KPNA5: variants seen among roughly 807,000 people sequenced by gnomAD.
The protein encoded by KPNA5 is karyopherin subunit alpha 5, also known as importin subunit alpha-6.
In KPNA5, 46 loss-of-function variants were observed where a neutral mutation model predicts 71.3. The observed-to-expected ratio is 0.65, with a 90% CI of 0.51 to 0.83. KPNA5 has a LOEUF of 0.83. Among genes scored for constraint, KPNA5 ranks in the 40% least tolerant of loss-of-function variants. The probability of loss-of-function intolerance (pLI) is 0.00; values close to 1 mark genes in which losing one functional copy is unlikely to be tolerated. For missense variants in KPNA5, 547 were observed against 628.3 expected (o/e 0.87, Z 1.38); for synonymous variants, 207 against 201.4 (o/e 1.03, Z -0.24).
rs1779756095 is a variant in KPNA5, at chr6:116,738,632, C to T, written c.*6309C>T. Reference sequence around the variant, plus strand: ...TACTGGCAAACCGAATCCAGCAGCACATCAAAAAGCTTATCCACCATGATC... The same window carrying T: ...TACTGGCAAACCGAATCCAGCAGCATATCAAAAAGCTTATCCACCATGATC... On this transcript the variant is annotated 3_prime_UTR_variant, in exon 14 of 14. Transcript: ENST00000368564. 6.6e-6 allele frequency: 1 copy of T among 151,836 alleles called. No individual in the cohort carries two copies. Among genetic ancestry groups the T allele is most frequent in the Non-Finnish European group, 1.5e-5 (1 of 67,916 alleles). 9.4% of individuals were successfully genotyped at this position (151,836 alleles called of 1,614,324 possible).
intron 1 of KPNA5, among the ~76,000 whole-genome samples, chr6:116,685,875 A>G (rs1023996871): frequency 6.6e-6 from 1 of 152,118 alleles, no homozygotes; most frequent in Non-Finnish European, 1.5e-5. Context: ...TGCTTTCCAC[A>G]GTGATTGAAC....
rs1158458700 is a variant in KPNA5 at position 116,740,224 on chromosome 6, C to T, written c.*7901C>T. ...TTCTCAAAAGAAGACATTTATGCAG[C>T]CAAAAAACACATGAAAAAATGCTCA... On this transcript the variant is annotated 3_prime_UTR_variant, in exon 14 of 14. Transcript: ENST00000368564. 1 of 152,066 alleles carries T rather than the reference C, an allele frequency of 6.6e-6. No individual in the cohort carries two copies. Among genetic ancestry groups the T allele is most frequent in the Non-Finnish European group, 1.5e-5 (1 of 68,012 alleles). 9.4% of individuals were successfully genotyped at this position (152,066 alleles called of 1,614,324 possible). A position where few individuals can be genotyped will look rare whatever the true frequency, so the allele number is the denominator to read the frequency against.
intron 4 of KPNA5, among the ~76,000 whole-genome samples, chr6:116,695,394 T>C (rs754437883): frequency 2.0e-5 from 3 of 152,182 alleles, no homozygotes; most frequent in Non-Finnish European, 4.4e-5. Flanking sequence ...TTAATAAGAA[T>C]TCATTTAAAT....
At chr6:116,700,102 A>T (rs1778172621) in intron 5 of KPNA5, among the ~76,000 whole-genome samples, 1 of 152,182 alleles carries the variant, frequency 6.6e-6, no homozygotes, top group Admixed American at 6.5e-5. Flanking sequence ...AGTCTTGAGG[A>T]TGAAGGAGCG....
Position 116,737,721 on chromosome 6 carries a change from A to C in KPNA5, c.*5398A>C, listed in dbSNP as rs1779724461. ...CTATTACTCTAGTTTGGCTTAAAGC[A>C]GAAGTTAGCATACCAATCTATGTTC... On this transcript the variant is annotated 3_prime_UTR_variant, in exon 14 of 14. Coordinates refer to ENST00000368564, the MANE Select transcript of KPNA5 (RefSeq NM_001366306.2). 6.6e-6 allele frequency: 1 copy of C among 151,996 alleles called. No individual in the cohort carries two copies. The highest frequency in any genetic ancestry group is 2.1e-4 in the South Asian group (1 of 4,824). 9.4% of individuals were successfully genotyped at this position (151,996 alleles called of 1,614,324 possible).
At chr6:116,730,530 T>C (rs1334731745) in intron 13 of KPNA5, among the ~76,000 whole-genome samples, 1 of 152,194 alleles carries the variant, frequency 6.6e-6, no homozygotes, top group Non-Finnish European at 1.5e-5. Flanking sequence ...ATTTCTTTTA[T>C]GGAATTAATA....
chr6:116,699,010 AG>A (rs1476819609), intron 5 of KPNA5, among the ~76,000 whole-genome samples: 4 of 152,082 alleles, frequency 2.6e-5, no homozygotes, highest in African/African-American at 9.6e-5. Flanking sequence ...TTTTGGAAAA[AG>A]TATATAAAAT....
At position 116,726,634 on chromosome 6, in the gene KPNA5, ACTT is replaced by A. The variant is rs745822272; in HGVS notation, c.1253+16_1253+18del. 10 of 1,553,420 alleles carry A rather than the reference ACTT, an allele frequency of 6.4e-6. No individual in the cohort carries two copies. The South Asian group carries it at 7.7e-5, about 12-fold the overall frequency. On this transcript the variant is annotated intron_variant, in intron 12 of 13. Transcript: ENST00000368564. ...CCAGAGCAAATAAGGTATGATATAA[ACTT>A]CTTAATTGTTTTTTACATGTAAATG...
rs1779579422 is a variant in KPNA5 at position 116,733,852 on chromosome 6, C to G, written c.*1529C>G. On this transcript the variant is annotated 3_prime_UTR_variant, in exon 14 of 14. Coordinates refer to ENST00000368564, the MANE Select transcript of KPNA5 (RefSeq NM_001366306.2). ...TTCTGCTGGAAATCAGAGGCACGTT[C>G]CAAGAGGAAAATGTATATAGGAGTA... 6.6e-6 allele frequency: 1 copy of G among 151,672 alleles called. No homozygotes were observed. Among genetic ancestry groups the G allele is most frequent in the East Asian group, 1.9e-4 (1 of 5,174 alleles). 9.4% of individuals were successfully genotyped at this position (151,672 alleles called of 1,614,324 possible).
intron 10 of KPNA5, among the ~76,000 whole-genome samples, chr6:116,725,084 A>G (rs1402158900): frequency 6.6e-6 from 1 of 152,150 alleles, no homozygotes. Context: ...CTCTTTAGTA[A>G]TTGACAGTTA....
Position 116,740,516 on chromosome 6 carries a change from A to G in KPNA5, c.*8193A>G, listed in dbSNP as rs1027623695. 6.6e-6 allele frequency: 1 copy of G among 152,228 alleles called. No individual in the cohort carries two copies. Among genetic ancestry groups the G allele is most frequent in the Non-Finnish European group, 1.5e-5 (1 of 68,052 alleles). The allele number at this position is 152,228 out of a possible 1,614,324, so 9.4% of individuals were successfully genotyped here. The stretch of plus-strand genomic sequence containing the variant: ...TGGGTATATACCCAAAGGAATATAA[A>G]TCATGCTGCTATAAAGACACATGCA... On this transcript the variant is annotated 3_prime_UTR_variant, in exon 14 of 14. Transcript: ENST00000368564.
intron 1 of KPNA5, among the ~76,000 whole-genome samples, chr6:116,682,080 C>A (rs1431398068): frequency 6.6e-6 from 1 of 151,976 alleles, no homozygotes; most frequent in Non-Finnish European, 1.5e-5. Flanking sequence ...TCCTGGCTAA[C>A]ACGGTGAAAC....
At chr6:116,713,120 A>G (rs372700072) in intron 7 of KPNA5, among the ~76,000 whole-genome samples, 1 of 152,224 alleles carries the variant, frequency 6.6e-6, no homozygotes, top group African/African-American at 2.4e-5. Flanking sequence ...CAAAAAATCC[A>G]TAATACTAGC....
chr6:116,720,077 A>G (rs1425799631), intron 8 of KPNA5, among the ~76,000 whole-genome samples: 1 of 152,150 alleles, frequency 6.6e-6, no homozygotes, highest in Admixed American at 6.5e-5. Context: ...AGCATTGAGA[A>G]TGCTAGTCAC....
chr6:116,710,908 TTTTTG>T (rs1778649221), intron 7 of KPNA5, among the ~76,000 whole-genome samples: 2 of 112,302 alleles, frequency 1.8e-5, no homozygotes, highest in African/African-American at 3.3e-5. Context: ...TTTTTTTTTT[TTTTTG>T]AGTTGGAGTC....
chr6:116,725,137 A>C (rs1225362535), intron 10 of KPNA5, among the ~76,000 whole-genome samples: 2 of 152,182 alleles, frequency 1.3e-5, no homozygotes, highest in Non-Finnish European at 2.9e-5. Context: ...CATTCTAGAC[A>C]TATACTGTAA....
chr6:116,696,223 C>T (rs945015630), intron 4 of KPNA5, among the ~76,000 whole-genome samples: 1 of 152,058 alleles, frequency 6.6e-6, no homozygotes, highest in Non-Finnish European at 1.5e-5. Context: ...TATGCTTGCC[C>T]AGTTGGACAT....
At chr6:116,682,325 T>C (rs1017685551) in intron 1 of KPNA5, among the ~76,000 whole-genome samples, 2 of 152,000 alleles carry the variant, frequency 1.3e-5, no homozygotes, top group Admixed American at 1.3e-4. Flanking sequence ...AGACTCTGTC[T>C]CAAAAAACAA....
intron 1 of KPNA5, among the ~76,000 whole-genome samples, chr6:116,688,524 A>G (rs558859305): frequency 2.3e-4 from 35 of 152,274 alleles, no homozygotes; most frequent in African/African-American, 7.0e-4. Context: ...CTATAAGATA[A>G]TATCAAGATA....
Sources: gnomAD v4.1 joint callset for allele counts (sites outside exome capture counted in the v4.1 genomes callset) on GRCh38, gnomAD v4.1.1 for gene constraint, MANE v1.5 for transcripts, NCBI Gene and HGNC (gene_info 2026-07-23, HGNC 2026-07-21) for gene names.